The following DCC variants were observed in gnomAD, a reference collection of about 807,000 sequenced individuals.
The protein encoded by DCC is netrin receptor DCC.
A neutral mutation model predicts 172.5 loss-of-function variants in DCC; 58 were observed. That is an observed-to-expected ratio of 0.34 (90% CI 0.27 to 0.42). The LOEUF (loss-of-function observed/expected upper bound fraction) is 0.42, where lower values mean the gene tolerates loss of function less well. Ranked by LOEUF, DCC falls within the 10% of genes least tolerant of loss-of-function variation. The pLI is 1.00. For synonymous variants in DCC, 709 were observed against 644.5 expected (o/e 1.10, Z -1.52); for missense variants, 1,740 against 1,791.0 (o/e 0.97, Z 0.51).
intron 7 of DCC, among the ~76,000 whole-genome samples, chr18:53,090,740 T>TAAAAAAAAAA (rs2042995768): frequency 1.6e-5 from 1 of 63,298 alleles, no homozygotes; most frequent in Non-Finnish European, 4.1e-5. Flanking sequence ...AAAAAGAATG[T>TAAAAAAAAAA]ATCGTGTTTC....
intron 1 of DCC, among the ~76,000 whole-genome samples, chr18:52,344,571 A>G (rs1217688975): frequency 6.6e-6 from 1 of 152,190 alleles, no homozygotes; most frequent in African/African-American, 2.4e-5. Context: ...ATCTAGCAGG[A>G]TCACTGTCAT....
chr18:53,411,094 A>T (rs896197378), intron 20 of DCC, among the ~76,000 whole-genome samples: 1 of 151,404 alleles, frequency 6.6e-6, no homozygotes, highest in Non-Finnish European at 1.5e-5. Context: ...ACCAAAAAAA[A>T]AGTCTATTTA....
At chr18:52,864,953 C>T (rs970458719) in intron 2 of DCC, among the ~76,000 whole-genome samples, 6 of 151,990 alleles carry the variant, frequency 3.9e-5, no homozygotes, top group Admixed American at 3.9e-4. Flanking sequence ...GCCAGCTCTG[C>T]CTCCCAGGTT....
intron 2 of DCC, among the ~76,000 whole-genome samples, chr18:52,883,078 CT>C (rs1355925950): frequency 6.6e-6 from 1 of 151,968 alleles, no homozygotes; most frequent in Non-Finnish European, 1.5e-5. Flanking sequence ...TACTTCTGCT[CT>C]TTTTTTGTCT....
intron 1 of DCC, among the ~76,000 whole-genome samples, chr18:52,745,773 A>G (rs2036896871): frequency 6.6e-6 from 1 of 152,124 alleles, no homozygotes; most frequent in Non-Finnish European, 1.5e-5. Context: ...TGTATTCCTT[A>G]AGCAACCTCT....
chr18:52,940,539 G>A (rs1018980917), intron 5 of DCC, among the ~76,000 whole-genome samples: 5 of 152,182 alleles, frequency 3.3e-5, no homozygotes, highest in Non-Finnish European at 5.9e-5. Context: ...CATTATGACT[G>A]CACTGAGACA....
chr18:52,740,577 C>T (rs2036805564), intron 1 of DCC, among the ~76,000 whole-genome samples: 1 of 152,170 alleles, frequency 6.6e-6, no homozygotes, highest in African/African-American at 2.4e-5. Flanking sequence ...AAGGTTTTCC[C>T]TGGACCTGTC....
At chr18:53,093,858 C>G (rs968789190) in intron 7 of DCC, among the ~76,000 whole-genome samples, 2 of 152,178 alleles carry the variant, frequency 1.3e-5, no homozygotes, top group Non-Finnish European at 1.5e-5. Flanking sequence ...TGACCTTGCT[C>G]TACTCTCTCA....
At chr18:53,108,018 T>C (rs529276367) in intron 7 of DCC, among the ~76,000 whole-genome samples, 1 of 151,924 alleles carries the variant, frequency 6.6e-6, no homozygotes, top group Admixed American at 6.6e-5. Flanking sequence ...CCGAGAAAAA[T>C]AAATTAACTT....
At chr18:52,462,480 TTC>T (rs1988661412) in intron 1 of DCC, among the ~76,000 whole-genome samples, 1 of 152,120 alleles carries the variant, frequency 6.6e-6, no homozygotes, top group African/African-American at 2.4e-5. Flanking sequence ...CCTGCTTACT[TTC>T]TTTTTGCCCA....
intron 1 of DCC, among the ~76,000 whole-genome samples, chr18:52,385,131 C>T (rs1004311812): frequency 3.9e-5 from 6 of 152,056 alleles, no homozygotes; most frequent in African/African-American, 1.4e-4. Flanking sequence ...ACAACCATTG[C>T]TTAAAATTCC....
intron 12 of DCC, among the ~76,000 whole-genome samples, chr18:53,220,912 G>A (rs1427101852): frequency 6.6e-6 from 1 of 152,072 alleles, no homozygotes; most frequent in Non-Finnish European, 1.5e-5. Context: ...TATTTCCTGG[G>A]GGCTCTTACA....
At chr18:53,301,937 A>G (rs1490501068) in intron 12 of DCC, among the ~76,000 whole-genome samples, 1 of 152,166 alleles carries the variant, frequency 6.6e-6, no homozygotes, top group East Asian at 1.9e-4. Context: ...GGCTTAAAAA[A>G]CAGGCATTTA....
chr18:52,950,064 C>T (rs1361104627), intron 5 of DCC, among the ~76,000 whole-genome samples: 2 of 152,158 alleles, frequency 1.3e-5, no homozygotes, highest in East Asian at 3.9e-4. Flanking sequence ...CTGTTTTCTG[C>T]CATTTAGAAG....
intron 8 of DCC, among the ~76,000 whole-genome samples, chr18:53,168,488 T>A (rs1457917127): frequency 2.0e-5 from 3 of 148,390 alleles, no homozygotes; most frequent in Non-Finnish European, 4.4e-5. Flanking sequence ...CACCACATGT[T>A]CTTACTTACA....
intron 9 of DCC, among the ~76,000 whole-genome samples, chr18:53,194,508 C>T (rs906856147): frequency 2.6e-5 from 4 of 151,726 alleles, no homozygotes; most frequent in Non-Finnish European, 5.9e-5. Flanking sequence ...TGCTCTGTTG[C>T]CCAGGCTGGA....
At chr18:52,518,008 A>G (rs2031694104) in intron 1 of DCC, among the ~76,000 whole-genome samples, 1 of 152,142 alleles carries the variant, frequency 6.6e-6, no homozygotes, top group Non-Finnish European at 1.5e-5. Context: ...TAGTGCTGTT[A>G]AATACATTCT....
intron 1 of DCC, among the ~76,000 whole-genome samples, chr18:52,390,517 T>G (rs1985990369): frequency 6.6e-6 from 1 of 152,124 alleles, no homozygotes; most frequent in Non-Finnish European, 1.5e-5. Context: ...CATCATTTAT[T>G]TTAAATTTGT....
intron 5 of DCC, among the ~76,000 whole-genome samples, chr18:53,062,294 G>T (rs1177431824): frequency 2.6e-5 from 4 of 152,046 alleles, no homozygotes; most frequent in Non-Finnish European, 4.4e-5. Flanking sequence ...TCTGATGGCT[G>T]TTAGAAAGAG....
Sources: allele counts gnomAD v4.1 joint callset (sites outside exome capture counted in the v4.1 genomes callset), GRCh38; gene constraint gnomAD v4.1.1; transcripts MANE v1.5; gene names NCBI Gene and HGNC (gene_info 2026-07-23, HGNC 2026-07-21).